ETFA: variants seen among roughly 807,000 people sequenced by gnomAD.
ETFA encodes the protein electron transfer flavoprotein subunit alpha, also known as electron transfer flavoprotein subunit alpha, mitochondrial.
ETFA carries 22 observed loss-of-function variants against 46.2 expected under a neutral mutation model. The ratio of observed to expected loss-of-function variants is 0.48; its 90% CI spans 0.34 to 0.68. ETFA has a LOEUF of 0.68. Ranked by LOEUF, ETFA falls within the 30% of genes least tolerant of loss-of-function variation. The probability of loss-of-function intolerance (pLI) is 0.01; values close to 1 mark genes in which losing one functional copy is unlikely to be tolerated. For synonymous variants in ETFA, 131 were observed against 139.9 expected, an observed-to-expected ratio of 0.94 and a Z score of 0.45; for missense variants, 345 against 401.1, an observed-to-expected ratio of 0.86 and a Z score of 1.19.
rs563504508 is a variant in ETFA, at chr15:76,310,830, G to A, written c.39+520C>T. On this transcript the variant is annotated intron_variant, in intron 1 of 11. Coordinates refer to ENST00000557943, the MANE Select transcript of ETFA (RefSeq NM_000126.4). The stretch of plus-strand genomic sequence containing the variant: ...AAAGCAGAACCAGCTTCCATAACTG[G>A]CCACGCAGCCTCCCACCCCACCCCA... 2.3e-3 allele frequency among the ~76,000 whole-genome samples: 349 copies of A among 152,214 alleles called. 1 individual carries two copies. The highest frequency in any genetic ancestry group is 8.0e-3 in the African/African-American group (333 of 41,492).
At chr15:76,217,514 A>G in intron 11 of ETFA, 1 of 402,052 alleles carries the variant, frequency 2.5e-6, no homozygotes, top group Non-Finnish European at 5.1e-6. Flanking sequence ...CGGTCAGCAG[A>G]CACAGTAAGA....
chr15:76,260,972 C>T, intron 9 of ETFA: 20 of 1,610,214 alleles, frequency 1.2e-5, no homozygotes, highest in Non-Finnish European at 1.7e-5. Context: ...CACCTGGCAT[C>T]CAGGCCACAC....
chr15:76,288,502 T>G (rs1315142304), intron 4 of ETFA, among the ~76,000 whole-genome samples: 1 of 152,012 alleles, frequency 6.6e-6, no homozygotes, highest in East Asian at 1.9e-4. Flanking sequence ...GCCAGGAGTT[T>G]GAGACCAATG....
chr15:76,289,513 A>G (rs753192595), intron 4 of ETFA, among the ~76,000 whole-genome samples: 1 of 152,162 alleles, frequency 6.6e-6, no homozygotes, highest in African/African-American at 2.4e-5. Context: ...ATGGTACTTA[A>G]AAGTATGTTT....
At chr15:76,227,923 A>G (rs1223924973) in intron 10 of ETFA, 1 of 456,126 alleles carries the variant, frequency 2.2e-6, no homozygotes, top group South Asian at 1.5e-5. Context: ...AACATGCTAC[A>G]CACATTAAGA....
chr15:76,274,295 C>T lies in ETFA; in HGVS notation c.816+117G>A, dbSNP rs1233757425. The T allele has an allele frequency of 6.2e-6, 5 of 811,232 alleles. No individual in the cohort carries two copies. In the East Asian group the frequency reaches 1.3e-4, roughly 22 times the overall value. 50.3% of individuals were successfully genotyped at this position (811,232 alleles called of 1,614,324 possible). ...TGAAAATGACATATTCACCATGGTA[C>T]TGGCTAACTGCTCAGGAACACTGAG... On this transcript the variant is annotated intron_variant, in intron 9 of 11. Coordinates refer to ENST00000557943, the MANE Select transcript of ETFA (RefSeq NM_000126.4).
At chr15:76,276,682 G>GT (rs1415416930) in intron 8 of ETFA, among the ~76,000 whole-genome samples, 1 of 151,886 alleles carries the variant, frequency 6.6e-6, no homozygotes, top group Non-Finnish European at 1.5e-5. Flanking sequence ...AGTTTTGGAG[G>GT]TTTCTACTGA....
chr15:76,292,547 T>C, intron 3 of ETFA, 34 bp from the exon 4 acceptor site: 1 of 1,594,800 alleles, frequency 6.3e-7, no homozygotes, highest in Non-Finnish European at 8.6e-7. Flanking sequence ...AAAAAATATT[T>C]TGAAATACTT....
chr15:76,239,529 C>G (rs1289883878), intron 9 of ETFA, among the ~76,000 whole-genome samples: 2 of 152,102 alleles, frequency 1.3e-5, no homozygotes, highest in Non-Finnish European at 2.9e-5. Flanking sequence ...CTTTGACCAA[C>G]ATCTCCCCAT....
At chr15:76,299,825 C>T (rs1056643002) in intron 1 of ETFA, among the ~76,000 whole-genome samples, 5 of 152,012 alleles carry the variant, frequency 3.3e-5, no homozygotes, top group African/African-American at 4.8e-5. Context: ...TCCATTCTCT[C>T]GAATCTACTC....
intron 1 of ETFA, among the ~76,000 whole-genome samples, chr15:76,306,588 A>G (rs914683103): frequency 6.6e-6 from 1 of 152,114 alleles, no homozygotes; most frequent in Non-Finnish European, 1.5e-5. Flanking sequence ...TTAATTAAAA[A>G]AAGAAAAACA....
At chr15:76,280,643 C>T (rs1313537604) in intron 8 of ETFA, among the ~76,000 whole-genome samples, 3 of 152,120 alleles carry the variant, frequency 2.0e-5, no homozygotes, top group Admixed American at 2.0e-4. Context: ...GAAATGGTTC[C>T]CCATTTCATT....
intron 10 of ETFA, chr15:76,228,743 T>C (rs544882072): frequency 7.6e-5 from 13 of 170,928 alleles, no homozygotes; most frequent in South Asian, 4.6e-4. Flanking sequence ...ACCATATTAT[T>C]ATTATTACTT....
chr15:76,272,444 T>C (rs2039546479), intron 9 of ETFA, among the ~76,000 whole-genome samples: 1 of 152,018 alleles, frequency 6.6e-6, no homozygotes. Context: ...ATGATCTCAA[T>C]CTCCTGACCT....
rs2039813598 is a variant in ETFA, at chr15:76,295,836, A to G, written c.40-99T>C. On this transcript the variant is annotated intron_variant, in intron 1 of 11. Coordinates refer to ENST00000557943, the MANE Select transcript of ETFA (RefSeq NM_000126.4). ...GTTAAGCATGTATGCTTTAAAGAAA[A>G]CTATTCTGTACACAATATTATTCTA... 14 of 788,370 alleles carry G rather than the reference A, an allele frequency of 1.8e-5. No individual in the cohort carries two copies. The East Asian group carries it at 3.8e-4, about 21-fold the overall frequency. 48.8% of individuals were successfully genotyped at this position (788,370 alleles called of 1,614,324 possible).
chr15:76,243,607 TGGCCAAC>T (rs1418030063), intron 9 of ETFA, among the ~76,000 whole-genome samples: 1 of 151,978 alleles, frequency 6.6e-6, no homozygotes. Flanking sequence ...GAGACCAGCC[TGGCCAAC>T]GTGGCGAAAC....
intron 11 of ETFA, among the ~76,000 whole-genome samples, chr15:76,224,931 T>C (rs746122128): frequency 1.3e-5 from 2 of 152,114 alleles, no homozygotes; most frequent in Non-Finnish European, 2.9e-5. Flanking sequence ...ATGAAAGTAA[T>C]TTTTCTCATG....
chr15:76,251,830 G>A (rs998410389), intron 9 of ETFA, among the ~76,000 whole-genome samples: 1 of 152,118 alleles, frequency 6.6e-6, no homozygotes. Context: ...TGCCTCTCAC[G>A]AAAATGCACT....
intron 9 of ETFA, chr15:76,261,839 T>C (rs2039417558): frequency 6.0e-6 from 1 of 167,898 alleles, no homozygotes; most frequent in African/African-American, 2.4e-5. Context: ...CAATGCATAA[T>C]ATTATAAAGT....
Sources: gnomAD v4.1 joint callset for allele counts (sites outside exome capture counted in the v4.1 genomes callset) on GRCh38, gnomAD v4.1.1 for gene constraint, MANE v1.5 for transcripts, NCBI Gene and HGNC (gene_info 2026-07-23, HGNC 2026-07-21) for gene names.